NAALADL2: variants seen among roughly 807,000 people sequenced by gnomAD.
NAALADL2 encodes the protein N-acetylated alpha-linked acidic dipeptidase like 2, also known as inactive N-acetylated-alpha-linked acidic dipeptidase-like protein 2.
A neutral mutation model predicts 87.2 loss-of-function variants in NAALADL2; 76 were observed. The observed-to-expected ratio is 0.87, with a 90% CI of 0.72 to 1.05. The LOEUF is 1.05. Among genes scored for constraint, NAALADL2 ranks in the 50% least tolerant of loss-of-function variants. The probability of loss-of-function intolerance (pLI) is 0.00; values close to 1 mark genes in which losing one functional copy is unlikely to be tolerated. For missense variants in NAALADL2, 1,089 were observed against 945.8 expected (o/e 1.15, Z -1.99); for synonymous variants, 354 against 331.0 (o/e 1.07, Z -0.75).
At chr3:175,689,098 A>G (rs1736696280) in intron 11 of NAALADL2, among the ~76,000 whole-genome samples, 1 of 152,186 alleles carries the variant, frequency 6.6e-6, no homozygotes, top group Non-Finnish European at 1.5e-5. Flanking sequence ...TATCTGACAA[A>G]GGTTTTAATA....
chr3:175,537,245 A>G (rs1734944329), intron 9 of NAALADL2, among the ~76,000 whole-genome samples: 1 of 152,208 alleles, frequency 6.6e-6, no homozygotes, highest in Admixed American at 6.5e-5. Flanking sequence ...GCCGCTTCTC[A>G]AAATATATTC....
intron 5 of NAALADL2, among the ~76,000 whole-genome samples, chr3:175,408,476 C>T (rs1233377365): frequency 1.3e-5 from 2 of 151,716 alleles, no homozygotes; most frequent in Non-Finnish European, 2.9e-5. Flanking sequence ...ATCTCATAAC[C>T]AGGATAGCAT....
At chr3:175,135,649 T>C (rs1426014180) in intron 2 of NAALADL2, among the ~76,000 whole-genome samples, 3 of 152,104 alleles carry the variant, frequency 2.0e-5, no homozygotes, top group Admixed American at 2.0e-4. Flanking sequence ...AGAAATAAAG[T>C]GCAGATCATG....
intron 2 of NAALADL2, among the ~76,000 whole-genome samples, chr3:174,630,811 C>T (rs1192256085): frequency 1.3e-5 from 2 of 152,164 alleles, no homozygotes; most frequent in Non-Finnish European, 2.9e-5. Context: ...GTCACCTTGG[C>T]TTCAGGTGAG....
At chr3:175,148,125 A>ATAATAAAAT (rs1417483172) in intron 2 of NAALADL2, among the ~76,000 whole-genome samples, 5 of 138,106 alleles carry the variant, frequency 3.6e-5, no homozygotes, top group Non-Finnish European at 7.9e-5. Flanking sequence ...AATAATAATA[A>ATAATAAAAT]AATAATAATA....
chr3:174,557,075 A>G (rs1034666912), intron 2 of NAALADL2, among the ~76,000 whole-genome samples: 4 of 152,196 alleles, frequency 2.6e-5, no homozygotes, highest in Admixed American at 6.5e-5. Flanking sequence ...TTTTTATTAT[A>G]TGACAACATG....
chr3:174,671,260 T>C (rs1384796849), intron 2 of NAALADL2, among the ~76,000 whole-genome samples: 1 of 152,128 alleles, frequency 6.6e-6, no homozygotes. Flanking sequence ...TCCACACTTA[T>C]GAGGTAGTTT....
chr3:174,937,296 A>G (rs1414921951), intron 1 of NAALADL2, among the ~76,000 whole-genome samples: 1 of 152,038 alleles, frequency 6.6e-6, no homozygotes, highest in African/African-American at 2.4e-5. Flanking sequence ...GATAATTACA[A>G]TTAGGATAAC....
chr3:174,987,579 A>AT (rs1411141410), intron 1 of NAALADL2, among the ~76,000 whole-genome samples: 1 of 117,112 alleles, frequency 8.5e-6, no homozygotes, highest in African/African-American at 5.1e-5. Context: ...AAAAAAAAAA[A>AT]AAAAAAAAAA....
At chr3:175,126,599 TATG>T (rs1726996731) in intron 2 of NAALADL2, among the ~76,000 whole-genome samples, 1 of 152,186 alleles carries the variant, frequency 6.6e-6, no homozygotes. Flanking sequence ...TAGAATTATA[TATG>T]ATAATGGAGA....
At chr3:175,542,425 C>T (rs765661300) in intron 9 of NAALADL2, among the ~76,000 whole-genome samples, 9 of 152,336 alleles carry the variant, frequency 5.9e-5, no homozygotes, top group Non-Finnish European at 1.3e-4. Flanking sequence ...ATGCCCAAAT[C>T]TGTGCATATT....
intron 2 of NAALADL2, among the ~76,000 whole-genome samples, chr3:174,635,228 A>G (rs1257724629): frequency 6.6e-6 from 1 of 152,182 alleles, no homozygotes; most frequent in Non-Finnish European, 1.5e-5. Flanking sequence ...TCGTATAGAA[A>G]TTGGAGTGTA....
chr3:174,538,930 C>G (rs1721972338), intron 1 of NAALADL2, among the ~76,000 whole-genome samples: 1 of 152,138 alleles, frequency 6.6e-6, no homozygotes, highest in South Asian at 2.1e-4. Context: ...TGAAACCAAG[C>G]TGGAGCCTGA....
chr3:175,486,909 G>A (rs1239121857), intron 9 of NAALADL2, among the ~76,000 whole-genome samples: 3 of 151,908 alleles, frequency 2.0e-5, no homozygotes, highest in Admixed American at 2.0e-4. Context: ...ACTGTATCTT[G>A]CCACCTTCTC....
chr3:174,650,571 A>C (rs2108753895), intron 2 of NAALADL2, among the ~76,000 whole-genome samples: 1 of 152,280 alleles, frequency 6.6e-6, no homozygotes, highest in South Asian at 2.1e-4. Flanking sequence ...ATTCATCTTA[A>C]GAATTTTTGT....
At chr3:174,718,536 C>T (rs1229776124) in intron 2 of NAALADL2, among the ~76,000 whole-genome samples, 2 of 152,248 alleles carry the variant, frequency 1.3e-5, no homozygotes, top group African/African-American at 4.8e-5. Flanking sequence ...GGATGAGAAA[C>T]CATCTTCCAA....
At chr3:174,834,484 A>G (rs1723106344) in intron 3 of NAALADL2, among the ~76,000 whole-genome samples, 1 of 151,962 alleles carries the variant, frequency 6.6e-6, no homozygotes, top group African/African-American at 2.4e-5. Flanking sequence ...AATTAAAGGA[A>G]TAGAGTTTGA....
chr3:175,568,984 T>C (rs1717632806), intron 9 of NAALADL2, among the ~76,000 whole-genome samples: 2 of 152,224 alleles, frequency 1.3e-5, no homozygotes, highest in African/African-American at 4.8e-5. Flanking sequence ...TTGTAACAAA[T>C]GTTACTGGGT....
At chr3:175,773,596 T>C (rs1452621759) in intron 13 of NAALADL2, 1 of 152,160 alleles carries the variant, frequency 6.6e-6, no homozygotes, top group African/African-American at 2.4e-5. Flanking sequence ...AAAGTCCTCT[T>C]GATCGTAGCT....
Sources: gnomAD v4.1 joint callset for allele counts (sites outside exome capture counted in the v4.1 genomes callset) on GRCh38, gnomAD v4.1.1 for gene constraint, MANE v1.5 for transcripts, NCBI Gene and HGNC (gene_info 2026-07-23, HGNC 2026-07-21) for gene names.